Variants in CNOT1 observed in about 807,000 individuals in gnomAD.
CNOT1 encodes CCR4-associated factor 1.
CNOT1 carries 15 observed loss-of-function variants against 273.8 expected under a neutral mutation model. The ratio of observed to expected loss-of-function variants is 0.05; its 90% confidence interval spans 0.04 to 0.08. CNOT1 has a LOEUF of 0.08. CNOT1 is among the 10% of genes least tolerant of loss of function. The pLI, the probability that CNOT1 is intolerant of heterozygous loss-of-function variation, is 1.00. For synonymous variants in CNOT1, 1,022 were observed against 1,005.5 expected (o/e 1.02, Z -0.31); for missense variants, 1,644 against 2,912.2 (o/e 0.56, Z 10.02).
intron 43 of CNOT1, 71 bp downstream of exon 43, chr16:58,530,175 C>A: frequency 1.6e-6 from 2 of 1,226,086 alleles, no homozygotes; most frequent in Admixed American, 2.1e-5. Flanking sequence ...CAAAATAAGG[C>A]CTCAGATTCC....
chr16:58,599,070 A>AT, intron 2 of CNOT1, 166 bp downstream of exon 2: 1 of 729,634 alleles, frequency 1.4e-6, no homozygotes, highest in Non-Finnish European at 2.1e-6. Context: ...AAAAAAAAAA[A>AT]GATTGGGCTA....
intron 1 of CNOT1, among the ~76,000 whole-genome samples, chr16:58,611,967 T>C (rs2042917826): frequency 6.6e-6 from 1 of 152,178 alleles, no homozygotes; most frequent in Non-Finnish European, 1.5e-5. Context: ...GTTTGCTCGT[T>C]TGTTTTTTCC....
chr16:58,529,869 A>T (rs888527831), intron 43 of CNOT1, among the ~76,000 whole-genome samples: 17 of 136,788 alleles, frequency 1.2e-4, no homozygotes, highest in African/African-American at 4.1e-4. Flanking sequence ...AAAAAAAAAA[A>T]GATAAATCAC....
chr16:58,617,708 C>G (rs2043142456), intron 1 of CNOT1, among the ~76,000 whole-genome samples: 1 of 152,146 alleles, frequency 6.6e-6, no homozygotes, highest in African/African-American at 2.4e-5. Flanking sequence ...AATGTAAACA[C>G]CTCAAAATTA....
chr16:58,598,505 G>T (rs1439810460), intron 2 of CNOT1, among the ~76,000 whole-genome samples: 1 of 151,714 alleles, frequency 6.6e-6, no homozygotes, highest in Non-Finnish European at 1.5e-5. Flanking sequence ...GGACAAGGAG[G>T]TTGCAGTGAG....
At chr16:58,576,036 C>T (rs1300400776) in intron 14 of CNOT1, among the ~76,000 whole-genome samples, 1 of 152,164 alleles carries the variant, frequency 6.6e-6, no homozygotes, top group African/African-American at 2.4e-5. Context: ...CTCTAAATCT[C>T]ATCTCATTCT....
intron 1 of CNOT1, among the ~76,000 whole-genome samples, chr16:58,603,542 C>A (rs1440730649): frequency 6.6e-6 from 1 of 151,558 alleles, no homozygotes; most frequent in African/African-American, 2.4e-5. Flanking sequence ...TTTAAAATGT[C>A]CAATAAACAA....
In CNOT1 at chr16:58,539,818, A is replaced by C. The variant is rs776658616; in HGVS notation, c.4942T>G (p.Leu1648Val). ...ALRSLLEVVV[L>V]SRNSRDAIAA... ...ATGGCATCCCGAGAGTTTCGAGATA[A>C]AACTACAACCTCCAAGAGACTTCGA... is the stretch of plus-strand genomic sequence containing the variant. Residue 1648 changes from leucine (L) to valine (V), a missense_variant, in exon 35 of 49, where the codon TTA becomes GTA. Physicochemically the swap from Leu to Val is conservative, Grantham distance 32 (BLOSUM62 1). Coordinates refer to ENST00000317147, the MANE Select transcript of CNOT1 (RefSeq NM_016284.5). The C allele has an allele frequency of 4.3e-6, 7 of 1,614,136 alleles. No individual in the cohort carries two copies. The highest frequency in any genetic ancestry group is 2.2e-5 in the East Asian group (1 of 44,872).
In CNOT1 at chr16:58,521,320, G is replaced by A. The variant is rs1162045777; in HGVS notation, c.6918-3C>T. On this transcript the variant is annotated splice_region_variant and splice_polypyrimidine_tract_variant and intron_variant, in intron 47 of 48. Coordinates refer to ENST00000317147, the MANE Select transcript of CNOT1 (RefSeq NM_016284.5). The stretch of plus-strand genomic sequence containing the variant: ...CAATCAACCGTTCCAAGAGAACTCT[G>A]GAAAAAGGGAGAAAGAGCTAGTTAA... The A allele has an allele frequency of 2.5e-6, 4 of 1,594,720 alleles. No individual in the cohort carries two copies. The highest frequency in any genetic ancestry group is 3.4e-6 in the Non-Finnish European group (4 of 1,175,180).
intron 39 of CNOT1, among the ~76,000 whole-genome samples, chr16:58,536,110 A>G (rs886145598): frequency 1.3e-5 from 2 of 152,220 alleles, no homozygotes; most frequent in African/African-American, 4.8e-5. Context: ...TAATTTGAAA[A>G]GAGACCTAAT....
In CNOT1 at chr16:58,547,432, A is replaced by G; in HGVS notation, c.3639+134T>C. 6.6e-7 allele frequency: 1 copy of G among 1,503,930 alleles called. No individual in the cohort carries two copies. Among genetic ancestry groups the G allele is most frequent in the East Asian group, 2.3e-5 (1 of 43,818 alleles). The allele number at this position is 1,503,930 out of a possible 1,614,324, so 93.2% of individuals were successfully genotyped here. ...AATGTCTAGTCCTTGCCTTACAAAA[A>G]GGGGTTAACAACTCAAAACGTGGGC... is the stretch of plus-strand genomic sequence containing the variant. On this transcript the variant is annotated intron_variant, in intron 26 of 48. Coordinates refer to ENST00000317147, the MANE Select transcript of CNOT1 (RefSeq NM_016284.5). The surrounding 1 kb of genome is among the most constrained non-coding windows in gnomAD (Gnocchi z 4.0).
At chr16:58,579,893 G>A (rs572644564) in intron 12 of CNOT1, among the ~76,000 whole-genome samples, 141 of 152,230 alleles carry the variant, frequency 9.3e-4, no homozygotes, top group Admixed American at 8.4e-3. Context: ...GGAACTCAGA[G>A]AAACTAGATA....
Position 58,560,379 on chromosome 16 carries a change from A to G in CNOT1, c.1980-17T>C, listed in dbSNP as rs1229330100. On this transcript the variant is annotated splice_polypyrimidine_tract_variant and intron_variant, in intron 16 of 48. Transcript: ENST00000317147. ...GAAACACTCCTAAAATAGAGGGGAA[A>G]AGGTAAAAAATATCAGTTCCTATTC... 1 of 1,611,798 alleles carries G rather than the reference A, an allele frequency of 6.2e-7. No homozygotes were observed. Among genetic ancestry groups the G allele is most frequent in the African/African-American group, 1.3e-5 (1 of 74,770 alleles).
chr16:58,587,731 A>G, intron 4 of CNOT1, 49 bp downstream of exon 4: 1 of 1,569,084 alleles, frequency 6.4e-7, no homozygotes, highest in Non-Finnish European at 8.6e-7. Flanking sequence ...GGGACTTTTT[A>G]GAAAGCCTAA....
At chr16:58,621,289 T>C (rs1201346291) in intron 1 of CNOT1, among the ~76,000 whole-genome samples, 1 of 152,000 alleles carries the variant, frequency 6.6e-6, no homozygotes, top group Non-Finnish European at 1.5e-5. Flanking sequence ...TTTTTCTTTT[T>C]TGAGACAGAG....
Position 58,588,838 on chromosome 16 carries a change from G to T in CNOT1, c.171C>A (p.Phe57Leu). The change falls in exon 3 of 49, where the codon TTC becomes TTA. Residue 57 changes from phenylalanine (F) to leucine (L), a missense_variant. Phe to Leu is a conservative substitution (Grantham distance 22, BLOSUM62 0). Transcript: ENST00000317147. ...TGCCACTGCTTTTACCATCGCCACT[G>T]AAATCCACATGCGAAAATAGGCAGC... ...LLRCLFSHVD[F>L]SGDGKSSGKD... 1 of 1,613,782 alleles carries T rather than the reference G, an allele frequency of 6.2e-7. No individual in the cohort carries two copies.
intron 43 of CNOT1, 51 bp from the exon 44 acceptor site, chr16:58,528,699 A>C (rs1303755034): frequency 7.5e-7 from 1 of 1,325,646 alleles, no homozygotes; most frequent in Non-Finnish European, 1.1e-6. Flanking sequence ...AAATGGAGTA[A>C]CATTTTCCTA....
At chr16:58,618,492 G>A (rs1163799460) in intron 1 of CNOT1, among the ~76,000 whole-genome samples, 1 of 152,010 alleles carries the variant, frequency 6.6e-6, no homozygotes, top group Non-Finnish European at 1.5e-5. Flanking sequence ...TGAGGCAGGA[G>A]AATCAGCTTG....
chr16:58,558,407 C>G lies in CNOT1; in HGVS notation c.2332+66G>C. On this transcript the variant is annotated intron_variant, in intron 18 of 48. Transcript: ENST00000317147. ...ATCACAGTGACTCCAAACCCCTTACCAAACACTAAGGCATAACTAAGGCAA... is the reference window on the plus strand; with the variant it reads ...ATCACAGTGACTCCAAACCCCTTACGAAACACTAAGGCATAACTAAGGCAA... 7 of 1,597,198 alleles carry G rather than the reference C, an allele frequency of 4.4e-6. No individual in the cohort carries two copies. The South Asian group carries it at 7.9e-5, about 18-fold the overall frequency.
Sources: allele counts gnomAD v4.1 joint callset (sites outside exome capture counted in the v4.1 genomes callset), GRCh38; gene constraint gnomAD v4.1.1; non-coding constraint Gnocchi (gnomAD v3.1); transcripts MANE v1.5; gene names NCBI Gene and HGNC (gene_info 2026-07-23, HGNC 2026-07-21).